The following HIBCH variants were observed in gnomAD, a reference collection of about 807,000 sequenced individuals.
The protein encoded by HIBCH is 3-hydroxyisobutyryl-CoA hydrolase, also known as 3-hydroxyisobutyryl-CoA hydrolase, mitochondrial.
Under a neutral mutation model 58.2 loss-of-function variants are expected in HIBCH, and 50 were observed. That is an observed-to-expected ratio of 0.86 (90% CI 0.68 to 1.09). The LOEUF (loss-of-function observed/expected upper bound fraction) is 1.09, where lower values mean the gene tolerates loss of function less well. Ranked by LOEUF, HIBCH falls within the 50% of genes least tolerant of loss-of-function variation. HIBCH has a pLI of 0.00. For synonymous variants in HIBCH, 151 were observed against 146.9 expected, an observed-to-expected ratio of 1.03 and a Z score of -0.20; for missense variants, 450 against 449.7, an observed-to-expected ratio of 1.00 and a Z score of -0.01.
At chr2:190,222,432 A>G (rs1430694433) in intron 11 of HIBCH, among the ~76,000 whole-genome samples, 1 of 152,220 alleles carries the variant, frequency 6.6e-6, no homozygotes, top group Admixed American at 6.5e-5. Flanking sequence ...AAAAAAAAAA[A>G]ACCCAAGAAG....
At chr2:190,239,647 G>GTTTTTTTTTTT (rs60949644) in intron 11 of HIBCH, among the ~76,000 whole-genome samples, 2 of 127,550 alleles carry the variant, frequency 1.6e-5, no homozygotes, top group African/African-American at 3.0e-5. Flanking sequence ...GTGGTTTGTA[G>GTTTTTTTTTTT]TTTTTTTTTT....
intron 7 of HIBCH, among the ~76,000 whole-genome samples, chr2:190,258,189 C>G (rs1686982452): frequency 6.6e-6 from 1 of 152,144 alleles, no homozygotes; most frequent in Non-Finnish European, 1.5e-5. Context: ...TCCCTTCACT[C>G]TCCTGCCAGC....
chr2:190,197,118 C>G lies in HIBCH; in HGVS notation c.*18-7121G>C, dbSNP rs753970071. ...GAGCACTAAAACTCTAATATCATCA[C>G]CCAAAGGCCCCACCTCCAAATACCA... On this transcript the variant is annotated intron_variant, in intron 1 of 1. Coordinates refer to the HIBCH transcript ENST00000399855. This position sits in a 1 kb window ranked among gnomAD's most constrained non-coding sequence, Gnocchi z 4.0. Among the ~76,000 whole-genome samples the G allele has an allele frequency of 3.3e-5, 5 of 152,150 alleles. No individual in the cohort carries two copies. The highest frequency in any genetic ancestry group is 9.7e-5 in the African/African-American group (4 of 41,426).
chr2:190,314,290 T>TAC (rs71027210), intron 1 of HIBCH, among the ~76,000 whole-genome samples: 4 of 58,522 alleles, frequency 6.8e-5, no homozygotes, highest in Admixed American at 6.3e-4. Flanking sequence ...TATATATATA[T>TAC]GTATATATAC....
At chr2:190,213,393 C>T (rs1388783676) in intron 11 of HIBCH, 1 of 334,504 alleles carries the variant, frequency 3.0e-6, no homozygotes, top group Non-Finnish European at 5.7e-6. Flanking sequence ...ACACACCTTA[C>T]AAACCAATCA....
chr2:190,261,072 A>G, intron 7 of HIBCH, 84 bp downstream of exon 7: 2 of 998,338 alleles, frequency 2.0e-6, no homozygotes, highest in Non-Finnish European at 3.2e-6. Context: ...GAGTCCATCA[A>G]TTCCTTCAAC....
chr2:190,312,621 G>C (rs536671530), intron 1 of HIBCH, among the ~76,000 whole-genome samples: 1 of 152,188 alleles, frequency 6.6e-6, no homozygotes, highest in Non-Finnish European at 1.5e-5. Context: ...AATCCAACTT[G>C]CCTTTCAGAA....
At chr2:190,222,695 T>C (rs1034501875) in intron 11 of HIBCH, among the ~76,000 whole-genome samples, 2 of 152,180 alleles carry the variant, frequency 1.3e-5, no homozygotes, top group Non-Finnish European at 2.9e-5. Context: ...AGTTCAACCA[T>C]TGTGGAAGAC....
intron 7 of HIBCH, among the ~76,000 whole-genome samples, chr2:190,253,187 T>C (rs1686827873): frequency 6.6e-6 from 1 of 151,884 alleles, no homozygotes; most frequent in African/African-American, 2.4e-5. Context: ...CCATCTCAAG[T>C]AAAAATAATA....
At chr2:190,249,336 T>C (rs2664272) in intron 9 of HIBCH, among the ~76,000 whole-genome samples, 45,170 of 152,108 alleles carry the variant, frequency 0.3, 7,525 homozygotes, top group East Asian at 0.45. Flanking sequence ...CCACAAATAG[T>C]GTTAACATTG....
At chr2:190,212,420 T>C (rs1690534222) in intron 12 of HIBCH, among the ~76,000 whole-genome samples, 1 of 152,254 alleles carries the variant, frequency 6.6e-6, no homozygotes, top group Admixed American at 6.5e-5. Context: ...AAAGAGTTTA[T>C]CATCTGGAAG....
rs1690336253 is a variant in HIBCH, at chr2:190,204,364, C to T, written c.*753G>A. 6.6e-6 allele frequency: 1 copy of T among 151,978 alleles called. No homozygotes were observed. Among genetic ancestry groups the T allele is most frequent in the Admixed American group, 6.6e-5 (1 of 15,246 alleles). 9.4% of individuals were successfully genotyped at this position (151,978 alleles called of 1,614,324 possible). A position where few individuals can be genotyped will look rare whatever the true frequency, so the allele number is the denominator to read the frequency against. ...CTAATTTCTCATTCTACCAGATTAA[C>T]AAATATCACAAATAACAAGAAAATA... On this transcript the variant is annotated 3_prime_UTR_variant, in exon 14 of 14. Transcript: ENST00000359678.
intron 2 of HIBCH, among the ~76,000 whole-genome samples, chr2:190,302,469 A>G (rs1688289583): frequency 6.6e-6 from 1 of 152,196 alleles, no homozygotes; most frequent in Non-Finnish European, 1.5e-5. Flanking sequence ...GCCTCCCTAC[A>G]TAGACTGGCC....
intron 11 of HIBCH, among the ~76,000 whole-genome samples, chr2:190,223,430 A>C (rs1685788849): frequency 6.6e-6 from 1 of 152,128 alleles, no homozygotes; most frequent in Admixed American, 6.6e-5. Context: ...CTATTTCCTT[A>C]GCTCCAAGAA....
Position 190,205,149 on chromosome 2 carries a change from T to TA in HIBCH, c.1128dup (p.Lys377Ter), listed in dbSNP as rs863225062. ...TTCAAATCACTGCTTCCCAAAGACTTAAAGTGATTATTCAAATCTTCCTCA... is the reference window on the plus strand; with the variant it reads ...TTCAAATCACTGCTTCCCAAAGACTTAAAAGTGATTATTCAAATCTTCCTCA... On this transcript the variant is annotated frameshift_variant, in exon 14 of 14. Coordinates refer to ENST00000359678, the MANE Select transcript of HIBCH (RefSeq NM_014362.4). LOFTEE classifies it high-confidence loss of function. The TA allele has an allele frequency of 6.2e-7, 1 of 1,607,954 alleles. No individual in the cohort carries two copies. The highest frequency in any genetic ancestry group is 8.5e-7 in the Non-Finnish European group (1 of 1,175,768).
intron 4 of HIBCH, among the ~76,000 whole-genome samples, chr2:190,292,605 C>A (rs1687987469): frequency 6.6e-6 from 1 of 152,206 alleles, no homozygotes; most frequent in Non-Finnish European, 1.5e-5. Context: ...GCCTCTGCAC[C>A]CAGTCCTTTT....
chr2:190,294,212 C>G (rs1688046294), intron 4 of HIBCH, among the ~76,000 whole-genome samples: 1 of 151,604 alleles, frequency 6.6e-6, no homozygotes, highest in African/African-American at 2.4e-5. Flanking sequence ...ATAAGACCAA[C>G]AGAACTGCTT....
chr2:190,275,841 ATTCTT>A (rs1280720335), intron 6 of HIBCH, among the ~76,000 whole-genome samples: 1 of 152,248 alleles, frequency 6.6e-6, no homozygotes, highest in African/African-American at 2.4e-5. Context: ...CAATGCCACA[ATTCTT>A]TTATAATTGG....
chr2:190,302,627 G>C (rs962634946), intron 2 of HIBCH, among the ~76,000 whole-genome samples: 2 of 152,186 alleles, frequency 1.3e-5, no homozygotes, highest in Admixed American at 1.3e-4. Context: ...AACTCTTAGG[G>C]AAGAAAGACT....
Sources: gnomAD v4.1 joint callset for allele counts (sites outside exome capture counted in the v4.1 genomes callset) on GRCh38, gnomAD v4.1.1 for gene constraint, Gnocchi (gnomAD v3.1) non-coding constraint, MANE v1.5 for transcripts, NCBI Gene and HGNC (gene_info 2026-07-23, HGNC 2026-07-21) for gene names.